The following EPHB4 variants were observed in gnomAD, a reference collection of about 807,000 sequenced individuals.
EPHB4 encodes the protein EPH receptor B4.
Under a neutral mutation model 110.6 loss-of-function variants are expected in EPHB4, and 50 were observed. The ratio of observed to expected loss-of-function variants is 0.45; its 90% CI spans 0.36 to 0.57. The LOEUF is 0.57. Ranked by LOEUF, EPHB4 falls within the 20% of genes least tolerant of loss-of-function variation. EPHB4 has a pLI of 0.00. For missense variants in EPHB4, 1,128 were observed against 1,382.1 expected (o/e 0.82, Z 2.91); for synonymous variants, 592 against 578.4 (o/e 1.02, Z -0.34).
chr7:100,813,725 G>T lies in EPHB4; in HGVS notation c.1692-9C>A. ...TCCCATTGCTCTGCTTCCTGTAGCC[G>T]ATGGGAAAGGAACAAAAGGTAAACT... is the stretch of plus-strand genomic sequence containing the variant. On this transcript the variant is annotated splice_polypyrimidine_tract_variant and intron_variant, in intron 9 of 16. Transcript: ENST00000358173. The T allele has an allele frequency of 2.5e-6, 4 of 1,614,122 alleles. No homozygotes were observed. The highest frequency in any genetic ancestry group is 3.4e-6 in the Non-Finnish European group (4 of 1,180,030).
chr7:100,804,551 G>A (rs1484664240), intron 16 of EPHB4, among the ~76,000 whole-genome samples: 19 of 152,008 alleles, frequency 1.2e-4, no homozygotes, highest in Admixed American at 1.2e-3. Context: ...CTAACCTCAA[G>A]TGATCTGCCC....
chr7:100,824,015 G>A, intron 2 of EPHB4, 84 bp from the exon 3 acceptor site: 4 of 1,510,084 alleles, frequency 2.6e-6, no homozygotes, highest in South Asian at 2.5e-5. Flanking sequence ...AAGTGAGAGG[G>A]ACTGAGAAAG....
At chr7:100,817,739 A>C (rs550169764) in intron 7 of EPHB4, among the ~76,000 whole-genome samples, 2 of 151,812 alleles carry the variant, frequency 1.3e-5, no homozygotes, top group Non-Finnish European at 2.9e-5. Context: ...CTTGTTGGCC[A>C]GGCTGGTCTC....
chr7:100,824,159 C>T lies in EPHB4; in HGVS notation c.123+44G>A, dbSNP rs41280995. 0.079 allele frequency: 127,068 copies of T among 1,613,246 alleles called. 5,409 individuals carry two copies. Among genetic ancestry groups the T allele is most frequent in the African/African-American group, 0.14 (10,169 of 75,006 alleles). ...AGGCGGCACAGGCGCCCTCTCCTCC[C>T]TCAGTTTCCCTCCAGAGCTCCAGCT... On this transcript the variant is annotated intron_variant, in intron 2 of 16. Coordinates refer to ENST00000358173, the MANE Select transcript of EPHB4 (RefSeq NM_004444.5).
chr7:100,805,984 G>C (rs1251010148), intron 14 of EPHB4: 1 of 349,378 alleles, frequency 2.9e-6, no homozygotes, highest in Non-Finnish European at 5.1e-6. Context: ...TATTAAGACA[G>C]AGTCTCGCTC....
At position 100,827,212 on chromosome 7, in the gene EPHB4, C is replaced by G. The variant is rs1043200386; in HGVS notation, c.-182G>C. 1 of 350,210 alleles carries G rather than the reference C, an allele frequency of 2.9e-6. No individual in the cohort carries two copies. The highest frequency in any genetic ancestry group is 2.2e-5 in the African/African-American group (1 of 45,428). 21.7% of individuals were successfully genotyped at this position (350,210 alleles called of 1,614,324 possible). A position where few individuals can be genotyped will look rare whatever the true frequency, so the allele number is the denominator to read the frequency against. ...GGCGGCGCCAAGTGTGGCCCCGCGT[C>G]TGTGCCGCGCGCGCGGGCGGCGGGC... On this transcript the variant is annotated 5_prime_UTR_variant, in exon 1 of 17. Coordinates refer to ENST00000358173, the MANE Select transcript of EPHB4 (RefSeq NM_004444.5).
chr7:100,820,662 T>G (rs1040826984), intron 4 of EPHB4, among the ~76,000 whole-genome samples: 4 of 152,032 alleles, frequency 2.6e-5, no homozygotes, highest in African/African-American at 9.7e-5. Context: ...AACTTATGAT[T>G]TTAAAAGCAC....
At position 100,819,832 on chromosome 7, in the gene EPHB4, A is replaced by C; in HGVS notation, c.1022T>G (p.Leu341Arg). ...VSRLNGSSLHLEWSAPLESGG... is the reference protein window; with the variant it reads ...VSRLNGSSLHREWSAPLESGG... ...AGACTCCAGGGGGGCACTCCATTCC[A>C]GGTGCAGGGAGGAGCCGTTCAGGCG... Residue 341 changes from leucine to arginine, a missense_variant, in exon 6 of 17, where the codon CTG becomes CGG. Leu to Arg is a moderately radical substitution (Grantham distance 102). Coordinates refer to ENST00000358173, the MANE Select transcript of EPHB4 (RefSeq NM_004444.5). 1 of 1,555,846 alleles carries C rather than the reference A, an allele frequency of 6.4e-7. No individual in the cohort carries two copies. The highest frequency in any genetic ancestry group is 8.7e-7 in the Non-Finnish European group (1 of 1,150,014).
At chr7:100,824,525 A>AG (rs1477715870) in intron 1 of EPHB4, 4 of 509,588 alleles carry the variant, frequency 7.8e-6, no homozygotes, top group Non-Finnish European at 1.1e-5. Context: ...GCCTCCCTGG[A>AG]GGAGGGAGGG....
rs755423722 is a variant in EPHB4 at position 100,822,678 on chromosome 7, G to A, written c.412-11C>T. ...GGCCACCGTGTCCACCTGCCGGCGG[G>A]GGGGAGGCACACCGCTGCTGTCCCC... On this transcript the variant is annotated splice_polypyrimidine_tract_variant and intron_variant, in intron 3 of 16. Transcript: ENST00000358173. The surrounding 1 kb of genome is among the most constrained non-coding windows in gnomAD (Gnocchi z 4.7). 9.7e-6 allele frequency: 15 copies of A among 1,541,190 alleles called. No homozygotes were observed. Among genetic ancestry groups the A allele is most frequent in the Admixed American group, 5.7e-5 (3 of 52,804 alleles).
At chr7:100,812,656 A>T (rs1812962756) in intron 12 of EPHB4, 91 bp downstream of exon 12, 2 of 1,513,690 alleles carry the variant, frequency 1.3e-6, no homozygotes, top group Non-Finnish European at 1.8e-6. Flanking sequence ...GTGACCTGGG[A>T]CCCACTGTCT....
chr7:100,807,475 C>A lies in EPHB4; in HGVS notation c.2224G>T (p.Ala742Ser). Residue 742 changes from alanine to serine, a missense_variant, in exon 13 of 17, where the codon GCT becomes TCT. Ala to Ser is a moderately conservative substitution (Grantham distance 99). Coordinates refer to ENST00000358173, the MANE Select transcript of EPHB4 (RefSeq NM_004444.5). ...CTGTTGACTAGGATGTTGCGAGCAG[C>A]CAGGTCTCGGTGGACGTAGCTCATC... ...AEMSYVHRDL[A>S]ARNILVNSNL... 6.2e-7 allele frequency: 1 copy of A among 1,614,046 alleles called. No homozygotes were observed.
At chr7:100,825,159 C>T (rs1813344926) in intron 1 of EPHB4, 2 of 152,032 alleles carry the variant, frequency 1.3e-5, no homozygotes, top group African/African-American at 2.4e-5. Flanking sequence ...ACACCTGGCT[C>T]CCACCCCATG....
At chr7:100,816,078 G>C (rs539079989) in intron 8 of EPHB4, among the ~76,000 whole-genome samples, 12 of 151,518 alleles carry the variant, frequency 7.9e-5, no homozygotes, top group African/African-American at 2.9e-4. Context: ...CAGGAGGTCA[G>C]CAGATCGAGA....
intron 1 of EPHB4, 23 bp from the exon 2 acceptor site, chr7:100,824,296 G>C (rs2116463026): frequency 6.2e-7 from 1 of 1,613,396 alleles, no homozygotes; most frequent in East Asian, 2.2e-5. Context: ...GAGAGACAGA[G>C]TCAGTGCCTG....
intron 12 of EPHB4, among the ~76,000 whole-genome samples, chr7:100,807,876 G>A (rs1419217639): frequency 2.6e-5 from 4 of 151,832 alleles, no homozygotes; most frequent in Non-Finnish European, 5.9e-5. Context: ...CGATCCTTCC[G>A]CCTGGGTCTC....
At chr7:100,812,131 C>T (rs1812949111) in intron 12 of EPHB4, among the ~76,000 whole-genome samples, 1 of 150,704 alleles carries the variant, frequency 6.6e-6, no homozygotes, top group Non-Finnish European at 1.5e-5. Context: ...AAGATCTTGC[C>T]ATTGCACTCC....
rs1813098365 is a variant in EPHB4 at position 100,817,265 on chromosome 7, C to T, written c.1515G>A (p.Val505=). ...CGGCCTCAGAGCGCGCCCGTACCTG[C>T]ACCAGGTAGCTGGCTCCCCGCTTCA... The part of the protein sequence containing the change: ...RGLKRGASYL[V]QVRARSEAGY... The change falls in exon 8 of 17, where the codon GTG becomes GTA. Residue 505 remains valine (V), a synonymous_variant. Coordinates refer to ENST00000358173, the MANE Select transcript of EPHB4 (RefSeq NM_004444.5). 3 of 1,606,734 alleles carry T rather than the reference C, an allele frequency of 1.9e-6. No homozygotes were observed. The highest frequency in any genetic ancestry group is 2.3e-5 in the East Asian group (1 of 44,156).
In EPHB4 at chr7:100,813,935, C is replaced by A; in HGVS notation, c.1675G>T (p.Ala559Ser). The stretch of plus-strand genomic sequence containing the variant: ...AGCCCTTACCTGAGGCAGAGAACTG[C>A]GACCACAATGACCACCAGGACCAGG... ...VVLVLVVIVV[A>S]VLCLRKQSNG... Residue 559 changes from alanine (A) to serine (S), a missense_variant, in exon 9 of 17, where the codon GCA becomes TCA. Around this residue, in one of 3 missense-constraint regions of EPHB4, gnomAD observed 728 missense variants for 828.6 expected, o/e 0.88. Transcript: ENST00000358173. 6.2e-7 allele frequency: 1 copy of A among 1,614,120 alleles called. No homozygotes were observed. The highest frequency in any genetic ancestry group is 8.5e-7 in the Non-Finnish European group (1 of 1,180,026).
Sources: gnomAD v4.1 joint callset for allele counts (sites outside exome capture counted in the v4.1 genomes callset) on GRCh38, gnomAD v4.1.1 for gene constraint, gnomAD v4.1.1 regional missense constraint, Gnocchi (gnomAD v3.1) non-coding constraint, MANE v1.5 for transcripts, NCBI Gene and HGNC (gene_info 2026-07-23, HGNC 2026-07-21) for gene names.